The following USP25 variants were observed in gnomAD, a reference collection of about 807,000 sequenced individuals.
The protein encoded by USP25 is ubiquitin specific peptidase 25, also known as ubiquitin carboxyl-terminal hydrolase 25.
USP25 carries 85 observed loss-of-function variants against 158.5 expected under a neutral mutation model. The observed-to-expected ratio is 0.54, with a 90% CI of 0.45 to 0.64. The LOEUF is 0.64. Among genes scored for constraint, USP25 ranks in the 30% least tolerant of loss-of-function variants. The pLI, the probability that USP25 is intolerant of heterozygous loss-of-function variation, is 0.00. For synonymous variants in USP25, 464 were observed against 460.4 expected (o/e 1.01, Z -0.10); for missense variants, 1,242 against 1,327.3 (o/e 0.94, Z 1.00).
intron 17 of USP25, 107 bp from the exon 18 acceptor site, chr21:15,842,290 TA>T (rs1428326101): frequency 2.0e-5 from 25 of 1,233,202 alleles, no homozygotes; most frequent in Non-Finnish European, 2.0e-5. Context: ...AATGGAAGAC[TA>T]AAATTGGTTC....
chr21:15,840,327 T>C (rs1371972792), intron 17 of USP25, among the ~76,000 whole-genome samples: 1 of 152,204 alleles, frequency 6.6e-6, no homozygotes, highest in Non-Finnish European at 1.5e-5. Flanking sequence ...CATTGTATTA[T>C]AATAGAATGT....
intron 1 of USP25, 152 bp downstream of exon 1, chr21:15,730,590 C>G (rs1207359590): frequency 2.1e-6 from 2 of 964,920 alleles, no homozygotes; most frequent in African/African-American, 3.5e-5. Flanking sequence ...TCGGGGGCGT[C>G]GCGCCCAGAG....
At chr21:15,847,897 C>A (rs2038703889) in intron 19 of USP25, 121 bp downstream of exon 19, 3 of 479,442 alleles carry the variant, frequency 6.3e-6, no homozygotes, top group Admixed American at 7.1e-5. Context: ...AGCTTTGCCC[C>A]CTCATAGTCC....
At chr21:15,823,163 A>C (rs543624669) in intron 10 of USP25, among the ~76,000 whole-genome samples, 1 of 152,096 alleles carries the variant, frequency 6.6e-6, no homozygotes, top group Non-Finnish European at 1.5e-5. Flanking sequence ...GCAGTTTCGC[A>C]TATTGCAGTT....
intron 4 of USP25, among the ~76,000 whole-genome samples, chr21:15,789,974 T>C (rs1404814285): frequency 6.6e-6 from 1 of 152,084 alleles, no homozygotes; most frequent in South Asian, 2.1e-4. Flanking sequence ...AGGTTATTAT[T>C]ATTCTGCTGA....
Position 15,730,196 on chromosome 21 carries a change from C to G in USP25, c.-198C>G. On this transcript the variant is annotated 5_prime_UTR_variant, in exon 1 of 26. Transcript: ENST00000400183. ...CGTGAGGCGGCCGCCGTGGCCCTCA[C>G]AGTCGGCGTTTCGCCGCCTGCCCGC... 2.6e-6 allele frequency: 1 copy of G among 388,458 alleles called. No homozygotes were observed. The highest frequency in any genetic ancestry group is 3.5e-6 in the Non-Finnish European group (1 of 285,308). The allele number at this position is 388,458 out of a possible 1,614,324, so 24.1% of individuals were successfully genotyped here.
In USP25 at chr21:15,805,230, A is replaced by G; in HGVS notation, c.752A>G (p.Asp251Gly). Residue 251 changes from aspartate to glycine, a missense_variant, in exon 7 of 26, where the codon GAT (aspartate) becomes GGT (glycine). Asp to Gly is a moderately conservative substitution (Grantham distance 94). This residue lies in a region of USP25 where 627 missense variants were observed against 701.4 expected (regional missense o/e 0.89). Transcript: ENST00000400183. ...DPSRAVEILK[D>G]AFKSNDSQQQ... ...TCAAGAGCAGTTGAAATTCTTAAGG[A>G]TGCTTTCAAATCAAATGACTCACAG... 3 of 1,603,900 alleles carry G rather than the reference A, an allele frequency of 1.9e-6. No homozygotes were observed. The highest frequency in any genetic ancestry group is 2.6e-6 in the Non-Finnish European group (3 of 1,176,412).
chr21:15,824,282 A>G (rs977365663), intron 11 of USP25, 116 bp downstream of exon 11: 4 of 1,143,448 alleles, frequency 3.5e-6, no homozygotes, highest in African/African-American at 3.2e-5. Flanking sequence ...TTTGCATAAT[A>G]TACCTAATAC....
chr21:15,769,773 A>T (rs765599090), intron 3 of USP25, among the ~76,000 whole-genome samples: 8 of 152,110 alleles, frequency 5.3e-5, no homozygotes, highest in Non-Finnish European at 7.4e-5. Flanking sequence ...GAACATTTTT[A>T]AAACAGGAAA....
chr21:15,842,635 C>A (rs188561019), intron 18 of USP25, 95 bp downstream of exon 18: 2 of 1,463,160 alleles, frequency 1.4e-6, no homozygotes, highest in Non-Finnish European at 1.8e-6. Context: ...TCAGGAGAGA[C>A]GGGGCCCAGT....
At chr21:15,730,483 C>T (rs751803706) in intron 1 of USP25, 45 bp downstream of exon 1, 3 of 1,316,016 alleles carry the variant, frequency 2.3e-6, no homozygotes, top group Non-Finnish European at 2.9e-6. Context: ...CTCCTTCCGA[C>T]GGGCTGTCCT....
chr21:15,812,296 C>G (rs962971875), intron 9 of USP25, among the ~76,000 whole-genome samples: 1 of 151,886 alleles, frequency 6.6e-6, no homozygotes, highest in African/African-American at 2.4e-5. Flanking sequence ...TTTATAATAC[C>G]CTGCATGAGC....
Position 15,826,865 on chromosome 21 carries a change from A to G in USP25, c.1467-112A>G, listed in dbSNP as rs1434058063. 1.0e-6 allele frequency: 1 copy of G among 972,750 alleles called. No homozygotes were observed. The highest frequency in any genetic ancestry group is 1.6e-5 in the African/African-American group (1 of 61,172). 60.3% of individuals were successfully genotyped at this position (972,750 alleles called of 1,614,324 possible). A position where few individuals can be genotyped will look rare whatever the true frequency, so the allele number is the denominator to read the frequency against. On this transcript the variant is annotated intron_variant, in intron 13 of 25. Coordinates refer to ENST00000400183, the MANE Select transcript of USP25 (RefSeq NM_001283041.3). This position sits in a 1 kb window ranked among gnomAD's most constrained non-coding sequence, Gnocchi z 4.8. The stretch of plus-strand genomic sequence containing the variant: ...GTTAGATCAATCCACATATTTCTTT[A>G]AGATTTTTTCTTTTGAATTACAAGC...
At chr21:15,784,258 A>C (rs1350875056) in intron 4 of USP25, among the ~76,000 whole-genome samples, 1 of 152,212 alleles carries the variant, frequency 6.6e-6, no homozygotes, top group Non-Finnish European at 1.5e-5. Context: ...AGCTACAATT[A>C]GTGGCTAAGG....
chr21:15,784,931 TA>T (rs1296092118), intron 4 of USP25, among the ~76,000 whole-genome samples: 1 of 151,114 alleles, frequency 6.6e-6, no homozygotes, highest in Non-Finnish European at 1.5e-5. Flanking sequence ...GTAAGTGGAT[TA>T]AATTCCCCAA....
In USP25 at chr21:15,783,793, T is replaced by TA. The variant is rs34055394; in HGVS notation, c.392+5784dup. Among the ~76,000 whole-genome samples, 679 of 122,190 alleles carry TA rather than the reference T, an allele frequency of 5.6e-3. 7 individuals carry two copies. Among genetic ancestry groups the TA allele is most frequent in the South Asian group, 0.043 (160 of 3,694 alleles). The allele number at this position is 122,190 out of a possible 152,430, so 80.2% of individuals were successfully genotyped here. A position where few individuals can be genotyped will look rare whatever the true frequency, so the allele number is the denominator to read the frequency against. On this transcript the variant is annotated intron_variant, in intron 4 of 25. Coordinates refer to ENST00000400183, the MANE Select transcript of USP25 (RefSeq NM_001283041.3). ...TAACATGGTGAAACCCCGTCTGTAC[T>TA]AAAAAAAAAAAAAAAAAATACAAAA...
chr21:15,814,518 GATAGTGATATGA>G (rs1311154002), intron 9 of USP25, among the ~76,000 whole-genome samples: 26 of 152,310 alleles, frequency 1.7e-4, no homozygotes, highest in African/African-American at 6.3e-4. Flanking sequence ...CAAAAATGCT[GATAGTGATATGA>G]ACAATAAGGT....
rs1041044902 is a variant in USP25 at position 15,810,399 on chromosome 21, A to G, written c.858-738A>G. Among the ~76,000 whole-genome samples, 5 of 152,334 alleles carry G rather than the reference A, an allele frequency of 3.3e-5. No homozygotes were observed. In the South Asian group the frequency reaches 8.3e-4, roughly 25 times the overall value. ...CAAATTAATACAGAAAAATCTGTAC[A>G]CAATTGTGGATACAACGCATTTCTA... On this transcript the variant is annotated intron_variant, in intron 8 of 25. Transcript: ENST00000400183.
At chr21:15,764,104 A>G (rs1276517251) in intron 2 of USP25, among the ~76,000 whole-genome samples, 1 of 152,146 alleles carries the variant, frequency 6.6e-6, no homozygotes, top group African/African-American at 2.4e-5. Context: ...TGCGGGGTGT[A>G]TGAAGCCACT....
Sources: allele counts gnomAD v4.1 joint callset (sites outside exome capture counted in the v4.1 genomes callset), GRCh38; gene constraint gnomAD v4.1.1; regional missense constraint gnomAD v4.1.1; non-coding constraint Gnocchi (gnomAD v3.1); transcripts MANE v1.5; gene names NCBI Gene and HGNC (gene_info 2026-07-23, HGNC 2026-07-21).